The following DNMT3A variants were observed in gnomAD, a reference collection of about 807,000 sequenced individuals.
DNMT3A encodes DNA methyltransferase 3 alpha, also known as DNA (cytosine-5)-methyltransferase 3A.
A neutral mutation model predicts 117.6 loss-of-function variants in DNMT3A; 267 were observed. The ratio of observed to expected loss-of-function variants is 2.27; its 90% CI spans 2.05 to 2.51. DNMT3A has a LOEUF of 2.51. Among genes scored for constraint, DNMT3A ranks in the 30% most tolerant of loss-of-function variants. DNMT3A has a pLI of 0.00. For missense variants in DNMT3A, 1,029 were observed against 1,260.2 expected (o/e 0.82, Z 2.78); for synonymous variants, 432 against 474.8 (o/e 0.91, Z 1.17).
At chr2:25,329,289 T>C (rs1430339391) in intron 1 of DNMT3A, among the ~76,000 whole-genome samples, 1 of 152,132 alleles carries the variant, frequency 6.6e-6, no homozygotes, top group Admixed American at 6.5e-5. Context: ...CGGGCCTCAG[T>C]TTCCCAAGTT....
rs2033737208 is a variant in DNMT3A, at chr2:25,305,483, T to C, written c.73-5240A>G. Among the ~76,000 whole-genome samples, 1 of 152,252 alleles carries C rather than the reference T, an allele frequency of 6.6e-6. No homozygotes were observed. The highest frequency in any genetic ancestry group is 2.4e-5 in the African/African-American group (1 of 41,470). Reference sequence around the variant, plus strand: ...GAACGTGGTAATTAACAAAGCATCTTCACATATGTTATTTCATTGTATTCT... The same window carrying C: ...GAACGTGGTAATTAACAAAGCATCTCCACATATGTTATTTCATTGTATTCT... On this transcript the variant is annotated intron_variant, in intron 2 of 22. Transcript: ENST00000321117. This position sits in a 1 kb window ranked among gnomAD's most constrained non-coding sequence, Gnocchi z 4.1.
intron 1 of DNMT3A, among the ~76,000 whole-genome samples, chr2:25,333,641 TCTTACAGAGCAGCAGGGC>T (rs1383883822): frequency 2.0e-5 from 3 of 152,062 alleles, no homozygotes; most frequent in African/African-American, 7.2e-5. Context: ...ACTTGCAGGG[TCTTACAGAGCAGCAGGGC>T]CTTACAGAGC....
At chr2:25,313,343 C>A (rs2034217729) in intron 2 of DNMT3A, among the ~76,000 whole-genome samples, 2 of 149,412 alleles carry the variant, frequency 1.3e-5, no homozygotes, top group African/African-American at 5.0e-5. Flanking sequence ...CAGCGACATT[C>A]ACCTGGAGTC....
chr2:25,239,646 C>T (rs1673755213), intron 19 of DNMT3A: 1 of 463,648 alleles, frequency 2.2e-6, no homozygotes, highest in East Asian at 5.0e-5. Context: ...CAGGCTCCAG[C>T]GAGTATGGGT....
At chr2:25,308,968 T>TATACACACACACAC (rs1553430137) in intron 2 of DNMT3A, among the ~76,000 whole-genome samples, 1 of 144,046 alleles carries the variant, frequency 6.9e-6, no homozygotes, top group African/African-American at 2.6e-5. Flanking sequence ...CACAGATGCA[T>TATACACACACACAC]ACACACACAC....
At chr2:25,250,573 C>G (rs772259603) in intron 6 of DNMT3A, among the ~76,000 whole-genome samples, 11 of 152,230 alleles carry the variant, frequency 7.2e-5, no homozygotes, top group East Asian at 1.9e-4. Context: ...TCGCCTCCTC[C>G]CCTACGAGAA....
At chr2:25,283,545 CAA>C (rs1355218459) in intron 3 of DNMT3A, among the ~76,000 whole-genome samples, 9 of 152,138 alleles carry the variant, frequency 5.9e-5, no homozygotes, top group South Asian at 4.2e-4. Context: ...GGAGGACCCC[CAA>C]AAAACCATTC....
chr2:25,308,304 A>G (rs2149419444), intron 2 of DNMT3A, among the ~76,000 whole-genome samples: 1 of 152,284 alleles, frequency 6.6e-6, no homozygotes, highest in East Asian at 1.9e-4. Context: ...CTCTCAAGCC[A>G]ACTAGGAGCT....
intron 1 of DNMT3A, chr2:25,314,442 C>A (rs1229316645): frequency 2.0e-5 from 20 of 985,274 alleles, no homozygotes; most frequent in Non-Finnish European, 2.2e-5. Context: ...CGCCTCCTCC[C>A]TTCTCTTCAT....
chr2:25,329,783 G>A (rs1047494722), intron 1 of DNMT3A, among the ~76,000 whole-genome samples: 3 of 151,828 alleles, frequency 2.0e-5, no homozygotes, highest in Non-Finnish European at 4.4e-5. Flanking sequence ...AGATGACCCA[G>A]GCGCACAGGT....
intron 16 of DNMT3A, 119 bp downstream of exon 16, chr2:25,243,779 G>T (rs981541498): frequency 1.8e-6 from 2 of 1,111,854 alleles, no homozygotes; most frequent in Non-Finnish European, 2.7e-6. Context: ...TCCCCTTTGG[G>T]ATAATATTTT....
At chr2:25,303,564 C>T (rs950713924) in intron 2 of DNMT3A, among the ~76,000 whole-genome samples, 1 of 152,238 alleles carries the variant, frequency 6.6e-6, no homozygotes, top group African/African-American at 2.4e-5. Flanking sequence ...GCTGTGTGTA[C>T]CCCACACCTG....
At chr2:25,301,596 T>G (rs976431290) in intron 2 of DNMT3A, among the ~76,000 whole-genome samples, 1 of 152,172 alleles carries the variant, frequency 6.6e-6, no homozygotes. Context: ...TAGAAAGTCC[T>G]GCCTCACTAC....
intron 6 of DNMT3A, among the ~76,000 whole-genome samples, chr2:25,248,523 C>T (rs1675136190): frequency 6.6e-6 from 1 of 152,108 alleles, no homozygotes; most frequent in Non-Finnish European, 1.5e-5. Context: ...ATATCGGTTG[C>T]CTACCCTATG....
chr2:25,323,510 G>A (rs987276409), intron 1 of DNMT3A, among the ~76,000 whole-genome samples: 13 of 152,180 alleles, frequency 8.5e-5, no homozygotes, highest in African/African-American at 2.7e-4. Flanking sequence ...GGCCTGAGGC[G>A]AAACTGTGCC....
chr2:25,318,082 G>T (rs1273976917), intron 1 of DNMT3A, among the ~76,000 whole-genome samples: 1 of 152,088 alleles, frequency 6.6e-6, no homozygotes, highest in East Asian at 1.9e-4. Context: ...GCTATTCCCC[G>T]ATTGGGCTCT....
chr2:25,264,353 T>G (rs568696032), intron 6 of DNMT3A, among the ~76,000 whole-genome samples: 2 of 152,026 alleles, frequency 1.3e-5, no homozygotes, highest in Non-Finnish European at 1.5e-5. Flanking sequence ...TTAGCCAGAC[T>G]GGTCTCGAAT....
chr2:25,244,220 G>T lies in DNMT3A; in HGVS notation c.1786C>A (p.Arg596=), dbSNP rs1674438806. 1 of 1,613,890 alleles carries T rather than the reference G, an allele frequency of 6.2e-7. No individual in the cohort carries two copies. Among genetic ancestry groups the T allele is most frequent in the South Asian group, 1.1e-5 (1 of 91,082 alleles). Residue 596 remains arginine, a synonymous_variant, in exon 15 of 23, where the codon CGG becomes AGG. Coordinates refer to ENST00000321117, the MANE Select transcript of DNMT3A (RefSeq NM_022552.5). ...CGGGAGGGCCAGTCCTCTCGCCGCC[G>T]CAGCAGCCCGTAGGTACCCTTGTGC... ...CGHKGTYGLL[R]RREDWPSRLQ...
intron 22 of DNMT3A, among the ~76,000 whole-genome samples, chr2:25,235,126 C>T (rs1673204089): frequency 1.3e-5 from 2 of 151,990 alleles, no homozygotes; most frequent in South Asian, 2.1e-4. Context: ...GCAGTGGTTC[C>T]CTGGGGGATC....
Sources: gnomAD v4.1 joint callset for allele counts (sites outside exome capture counted in the v4.1 genomes callset) on GRCh38, gnomAD v4.1.1 for gene constraint, Gnocchi (gnomAD v3.1) non-coding constraint, MANE v1.5 for transcripts, NCBI Gene and HGNC (gene_info 2026-07-23, HGNC 2026-07-21) for gene names.